COLGALT1: variants seen among roughly 807,000 people sequenced by gnomAD.
COLGALT1 encodes collagen beta(1-O)galactosyltransferase 1.
A neutral mutation model predicts 60.8 loss-of-function variants in COLGALT1; 43 were observed. The ratio of observed to expected loss-of-function variants is 0.71; its 90% CI spans 0.55 to 0.91. The LOEUF is 0.91. Ranked by LOEUF, COLGALT1 falls within the 40% of genes least tolerant of loss-of-function variation. The pLI is 0.00. For synonymous variants in COLGALT1, 369 were observed against 374.2 expected (o/e 0.99, Z 0.16); for missense variants, 845 against 880.0 (o/e 0.96, Z 0.50).
chr19:17,581,539 C>T lies in COLGALT1; in HGVS notation c.*95C>T. The T allele has an allele frequency of 1.4e-6, 2 of 1,454,466 alleles. No homozygotes were observed. Among genetic ancestry groups the T allele is most frequent in the Non-Finnish European group, 9.1e-7 (1 of 1,097,222 alleles). 90.1% of individuals were successfully genotyped at this position (1,454,466 alleles called of 1,614,324 possible). A position where few individuals can be genotyped will look rare whatever the true frequency, so the allele number is the denominator to read the frequency against. ...GTCCACCTCTGGACCCCTTGGCAGGCCACAGAGGGCTCTCGTGTGGGGTGG... is the reference window on the plus strand; with the variant it reads ...GTCCACCTCTGGACCCCTTGGCAGGTCACAGAGGGCTCTCGTGTGGGGTGG... On this transcript the variant is annotated 3_prime_UTR_variant, in exon 12 of 12. Coordinates refer to ENST00000252599, the MANE Select transcript of COLGALT1 (RefSeq NM_024656.4).
intron 5 of COLGALT1, among the ~76,000 whole-genome samples, 180 bp from the exon 6 acceptor site, chr19:17,572,303 T>TAAA (rs34738333): frequency 2.1e-5 from 3 of 144,602 alleles, no homozygotes; most frequent in Non-Finnish European, 4.5e-5. Flanking sequence ...GACTCTGTCT[T>TAAA]AAAAAAAAAA....
At chr19:17,565,660 ACT>A (rs975234050) in intron 3 of COLGALT1, among the ~76,000 whole-genome samples, 4 of 151,966 alleles carry the variant, frequency 2.6e-5, no homozygotes, top group Non-Finnish European at 5.9e-5. Context: ...ACTGAGCAAG[ACT>A]CTGTCTCAAA....
At chr19:17,561,945 A>G (rs1226033811) in intron 3 of COLGALT1, among the ~76,000 whole-genome samples, 3 of 152,278 alleles carry the variant, frequency 2.0e-5, no homozygotes, top group African/African-American at 7.2e-5. Context: ...ATCTCGGCTC[A>G]CTGCAGCCTC....
intron 3 of COLGALT1, among the ~76,000 whole-genome samples, chr19:17,561,684 A>AT (rs1199923936): frequency 1.4e-5 from 2 of 144,542 alleles, no homozygotes; most frequent in African/African-American, 2.5e-5. Flanking sequence ...TATTACTATT[A>AT]TTTTTTAATT....
chr19:17,579,212 T>G (rs1827897635), intron 9 of COLGALT1, among the ~76,000 whole-genome samples: 1 of 150,464 alleles, frequency 6.6e-6, no homozygotes, highest in African/African-American at 2.4e-5. Context: ...TGTTATCGAA[T>G]GTGAAGCCAA....
rs1413394794 is a variant in COLGALT1 at position 17,578,027 on chromosome 19, G to A, written c.1204G>A (p.Gly402Ser). ...GCCTGGCTACCGGGACCCCTACCAC[G>A]GCCGGCCCCTCACCAAGGGTGAGCT... is the stretch of plus-strand genomic sequence containing the variant. Reference protein sequence around the residue: ...MLPGYRDPYHGRPLTKGELGC... With the variant: ...MLPGYRDPYHSRPLTKGELGC... The change falls in exon 9 of 12, where the codon GGC becomes AGC. Residue 402 changes from glycine (G) to serine (S), a missense_variant. Physicochemically the swap from Gly to Ser is moderately conservative, Grantham distance 56. Coordinates refer to ENST00000252599, the MANE Select transcript of COLGALT1 (RefSeq NM_024656.4). 2.5e-6 allele frequency: 4 copies of A among 1,611,536 alleles called. No individual in the cohort carries two copies. The highest frequency in any genetic ancestry group is 2.2e-5 in the South Asian group (2 of 90,660).
At chr19:17,577,757 C>T (rs540194260) in intron 8 of COLGALT1, among the ~76,000 whole-genome samples, 200 bp from the exon 9 acceptor site, 41 of 152,046 alleles carry the variant, frequency 2.7e-4, no homozygotes, top group African/African-American at 9.4e-4. Context: ...CAGTCAGACC[C>T]CAGGAGAGGA....
rs2076302203 is a variant in COLGALT1, at chr19:17,569,910, T to TTTTTC, written c.829+1199_829+1200insTTCTT. ...TAATTACTTTTTTTTTTTTTTTTTT[T>TTTTTC]TTGAGACGGAGTCTCGCTCTGTCGC... On this transcript the variant is annotated intron_variant, in intron 5 of 11. Coordinates refer to ENST00000252599, the MANE Select transcript of COLGALT1 (RefSeq NM_024656.4). 1.3e-5 allele frequency among the ~76,000 whole-genome samples: 2 copies of TTTTTC among 148,226 alleles called. 1 individual carries two copies. The highest frequency in any genetic ancestry group is 3.0e-5 in the Non-Finnish European group (2 of 67,118).
intron 10 of COLGALT1, 59 bp downstream of exon 10, chr19:17,579,668 AG>A: frequency 1.5e-5 from 2 of 135,400 alleles, no homozygotes; most frequent in Non-Finnish European, 2.7e-5. Context: ...CAGGACTTAG[AG>A]GTGGGGGTGG....
chr19:17,579,224 TG>T (rs2076363471), intron 9 of COLGALT1, among the ~76,000 whole-genome samples: 1 of 147,518 alleles, frequency 6.8e-6, no homozygotes, highest in South Asian at 2.2e-4. Context: ...TGAAGCCAAA[TG>T]GGGGTGTGCG....
chr19:17,571,402 T>C (rs975606363), intron 5 of COLGALT1, among the ~76,000 whole-genome samples: 2 of 151,390 alleles, frequency 1.3e-5, no homozygotes, highest in African/African-American at 4.9e-5. Flanking sequence ...AGCGAGACTC[T>C]GTCTCAAAAA....
chr19:17,559,492 A>G, intron 2 of COLGALT1, 71 bp downstream of exon 2: 2 of 1,214,062 alleles, frequency 1.6e-6, no homozygotes, highest in Non-Finnish European at 2.4e-6. Flanking sequence ...ATGGCTCCCC[A>G]TTGCCCCAGA....
chr19:17,579,688 T>C, intron 10 of COLGALT1, 79 bp downstream of exon 10: 1 of 591,472 alleles, frequency 1.7e-6, no homozygotes, highest in South Asian at 2.0e-5. Context: ...GGGGGCAGGG[T>C]GGAGCTGGGA....
rs373936720 is a variant in COLGALT1 at position 17,559,425 on chromosome 19, A to G, written c.371+4A>G. On this transcript the variant is annotated splice_donor_region_variant and intron_variant, in intron 2 of 11. Coordinates refer to ENST00000252599, the MANE Select transcript of COLGALT1 (RefSeq NM_024656.4). ...GGCGGCCAGCAGAGGAGCCCAGGTG[A>G]GCATCTTTCCCCTGCTCCTAGTCTG... 57 of 1,549,566 alleles carry G rather than the reference A, an allele frequency of 3.7e-5. No individual in the cohort carries two copies. The African/African-American group carries it at 7.1e-4, about 19-fold the overall frequency.
At chr19:17,577,056 C>G (rs2076347343) in intron 6 of COLGALT1, 139 bp from the exon 7 acceptor site, 5 of 741,884 alleles carry the variant, frequency 6.7e-6, no homozygotes, top group Non-Finnish European at 1.1e-5. Context: ...TAGAGGGCAG[C>G]GCTGATGTGG....
rs1212632031 is a variant in COLGALT1, at chr19:17,555,791, GCCGCCGGGGGCC to G, written c.87_98del (p.Pro31_Ala34del). ...TGCTGCTTCTGCTGCTGGCGCCACTGCCGCCGGGGGCCCCGCCGGGCGCCGACGCCTACTTCC... is the reference window on the plus strand; with the variant it reads ...TGCTGCTTCTGCTGCTGGCGCCACTGCCGCCGGGCGCCGACGCCTACTTCC... On this transcript the variant is annotated inframe_deletion, in exon 1 of 12. Transcript: ENST00000252599. The G allele has an allele frequency of 8.0e-7, 1 of 1,245,900 alleles. No homozygotes were observed. The allele number at this position is 1,245,900 out of a possible 1,614,324, so 77.2% of individuals were successfully genotyped here. A position where few individuals can be genotyped will look rare whatever the true frequency, so the allele number is the denominator to read the frequency against.
intron 10 of COLGALT1, 74 bp from the exon 11 acceptor site, chr19:17,580,625 T>C: frequency 2.0e-6 from 3 of 1,492,720 alleles, no homozygotes; most frequent in Admixed American, 3.5e-5. Flanking sequence ...ACGGGGTAAC[T>C]AGATCCCTGG....
At position 17,555,702 on chromosome 19, in the gene COLGALT1, A is replaced by G; in HGVS notation, c.-12A>G. On this transcript the variant is annotated 5_prime_UTR_variant, in exon 1 of 12. Transcript: ENST00000252599. The stretch of plus-strand genomic sequence containing the variant: ...CCCGCAGAAAAACGACTTAAAGGAG[A>G]CGCGTGGCGCGATGGCGGCGGCCCC... The G allele has an allele frequency of 8.4e-7, 1 of 1,184,724 alleles. No individual in the cohort carries two copies. The highest frequency in any genetic ancestry group is 1.0e-6 in the Non-Finnish European group (1 of 958,556). 73.4% of individuals were successfully genotyped at this position (1,184,724 alleles called of 1,614,324 possible). A position where few individuals can be genotyped will look rare whatever the true frequency, so the allele number is the denominator to read the frequency against.
chr19:17,555,734 G>A lies in COLGALT1; in HGVS notation c.21G>A (p.Ala7=). The change falls in exon 1 of 12, where the codon GCG becomes GCA. Residue 7 remains alanine, a synonymous_variant. Coordinates refer to ENST00000252599, the MANE Select transcript of COLGALT1 (RefSeq NM_024656.4). MAAAPR[A]GRRRGQPLLA... is the part of the protein sequence containing the mutation. ...GCGCGATGGCGGCGGCCCCACGCGC[G>A]GGCCGGCGGCGCGGGCAGCCGCTCC... 8.3e-7 allele frequency: 1 copy of A among 1,201,874 alleles called. No homozygotes were observed. 74.5% of individuals were successfully genotyped at this position (1,201,874 alleles called of 1,614,324 possible). A position where few individuals can be genotyped will look rare whatever the true frequency, so the allele number is the denominator to read the frequency against.
Sources: gnomAD v4.1 joint callset for allele counts (sites outside exome capture counted in the v4.1 genomes callset) on GRCh38, gnomAD v4.1.1 for gene constraint, MANE v1.5 for transcripts, NCBI Gene and HGNC (gene_info 2026-07-23, HGNC 2026-07-21) for gene names.